LRMDA: variants seen among roughly 807,000 people sequenced by gnomAD.
LRMDA encodes the protein leucine rich melanocyte differentiation associated.
Under a neutral mutation model 29.8 loss-of-function variants are expected in LRMDA, and 18 were observed. The observed-to-expected ratio is 0.60, with a 90% CI of 0.42 to 0.90. The LOEUF is 0.90. Ranked by LOEUF, LRMDA falls within the 40% of genes least tolerant of loss-of-function variation. The pLI is 0.00. For missense variants in LRMDA, 273 were observed against 273.9 expected (o/e 1.00, Z 0.02); for synonymous variants, 125 against 109.4 (o/e 1.14, Z -0.89).
chr10:75,776,794 C>G (rs116667528), intron 2 of LRMDA, among the ~76,000 whole-genome samples: 1 of 152,210 alleles, frequency 6.6e-6, no homozygotes, highest in Non-Finnish European at 1.5e-5. Flanking sequence ...GGTTTTGGAG[C>G]AGCTATAACG....
chr10:75,607,112 C>T (rs1406429971), intron 2 of LRMDA, among the ~76,000 whole-genome samples: 1 of 152,100 alleles, frequency 6.6e-6, no homozygotes, highest in African/African-American at 2.4e-5. Flanking sequence ...ATAGAAATTC[C>T]CGGAACAGTT....
At chr10:76,493,224 G>A (rs1842850752) in intron 6 of LRMDA, among the ~76,000 whole-genome samples, 1 of 151,978 alleles carries the variant, frequency 6.6e-6, no homozygotes, top group Non-Finnish European at 1.5e-5. Context: ...AAACAAAGTT[G>A]TTTCCACTCT....
rs1245981093 is a variant in LRMDA, at chr10:75,743,638, CTCTT to C, written c.132-292367_132-292364del. On this transcript the variant is annotated intron_variant, in intron 2 of 6. Coordinates refer to ENST00000611255, the MANE Select transcript of LRMDA (RefSeq NM_001305581.2). ...GCTTCACACTTCATTTTTCTCCTCT[CTCTT>C]TCATTGTTTGACTTAATTAAAATAT... 3 of 152,178 alleles carry C rather than the reference CTCTT, an allele frequency of 2.0e-5. No individual in the cohort carries two copies. In the East Asian group the frequency reaches 5.8e-4, roughly 29 times the overall value. The allele number at this position is 152,178 out of a possible 1,614,324, so 9.4% of individuals were successfully genotyped here. A position where few individuals can be genotyped will look rare whatever the true frequency, so the allele number is the denominator to read the frequency against.
intron 6 of LRMDA, among the ~76,000 whole-genome samples, chr10:76,493,959 G>C (rs1842858116): frequency 6.6e-6 from 1 of 151,794 alleles, no homozygotes; most frequent in Non-Finnish European, 1.5e-5. Context: ...GCTATTCTTT[G>C]ATTTCTGACA....
At chr10:75,628,789 A>T (rs1841283603) in intron 2 of LRMDA, among the ~76,000 whole-genome samples, 2 of 152,118 alleles carry the variant, frequency 1.3e-5, no homozygotes, top group Admixed American at 1.3e-4. Flanking sequence ...GTGTCTCCTC[A>T]GTGGGGCTGG....
chr10:75,738,979 G>A (rs1842797699), intron 2 of LRMDA, among the ~76,000 whole-genome samples: 1 of 152,146 alleles, frequency 6.6e-6, no homozygotes, highest in African/African-American at 2.4e-5. Flanking sequence ...TGCTGAGGTA[G>A]CACCTGGCTG....
intron 5 of LRMDA, among the ~76,000 whole-genome samples, chr10:76,147,756 G>A (rs1850357098): frequency 6.6e-6 from 1 of 152,134 alleles, no homozygotes; most frequent in South Asian, 2.1e-4. Flanking sequence ...AGGAGGAGAG[G>A]CACTCTGCTT....
intron 2 of LRMDA, among the ~76,000 whole-genome samples, chr10:76,013,150 G>A (rs150033611): frequency 6.6e-5 from 10 of 152,164 alleles, no homozygotes; most frequent in Non-Finnish European, 1.2e-4. Flanking sequence ...TGCTAGGCTC[G>A]CATTTTAATC....
At chr10:76,065,029 TTAAC>T (rs1434722440) in intron 5 of LRMDA, among the ~76,000 whole-genome samples, 3 of 152,236 alleles carry the variant, frequency 2.0e-5, no homozygotes, top group Non-Finnish European at 4.4e-5. Flanking sequence ...AATTTTTTAA[TTAAC>T]TGTTTTTTTT....
intron 6 of LRMDA, among the ~76,000 whole-genome samples, chr10:76,491,072 CTTT>C (rs1842829384): frequency 6.6e-6 from 1 of 151,792 alleles, no homozygotes; most frequent in African/African-American, 2.4e-5. Flanking sequence ...AGCACATTAA[CTTT>C]TTCCTCCTGC....
chr10:76,155,609 T>TAG (rs1850522920), intron 5 of LRMDA, among the ~76,000 whole-genome samples: 1 of 152,190 alleles, frequency 6.6e-6, no homozygotes, highest in African/African-American at 2.4e-5. Flanking sequence ...GAGGTCATCT[T>TAG]AGAGGGTACC....
At chr10:76,456,233 G>A (rs1907355) in intron 6 of LRMDA, among the ~76,000 whole-genome samples, 1 of 152,016 alleles carries the variant, frequency 6.6e-6, no homozygotes, top group Non-Finnish European at 1.5e-5. Context: ...GTGTTGAGAT[G>A]GTTTTCCCAC....
intron 2 of LRMDA, among the ~76,000 whole-genome samples, chr10:75,599,928 C>T (rs1023476158): frequency 5.9e-5 from 9 of 152,144 alleles, no homozygotes; most frequent in Non-Finnish European, 1.0e-4. Flanking sequence ...GCACTGCAAG[C>T]CCTTCCTGGT....
intron 4 of LRMDA, among the ~76,000 whole-genome samples, chr10:76,049,328 A>G (rs1279273919): frequency 6.6e-6 from 1 of 152,210 alleles, no homozygotes; most frequent in African/African-American, 2.4e-5. Context: ...AATCATAACT[A>G]GTCAAAATTA....
chr10:76,314,904 T>C (rs1332283902), intron 5 of LRMDA, among the ~76,000 whole-genome samples: 15 of 152,334 alleles, frequency 9.8e-5, no homozygotes, highest in African/African-American at 3.4e-4. Context: ...TTTATTTACT[T>C]AGCACGCCAC....
intron 2 of LRMDA, among the ~76,000 whole-genome samples, chr10:75,610,661 A>T (rs910526056): frequency 1.3e-5 from 2 of 152,212 alleles, no homozygotes; most frequent in African/African-American, 4.8e-5. Context: ...TTCGGGTGGC[A>T]GAGGCAGGCC....
chr10:76,299,437 T>C (rs1183866316), intron 5 of LRMDA, among the ~76,000 whole-genome samples: 1 of 152,150 alleles, frequency 6.6e-6, no homozygotes, highest in Non-Finnish European at 1.5e-5. Context: ...ATACCTTCTT[T>C]TGCTTCTCAA....
At chr10:76,538,411 TA>T (rs201166173) in intron 6 of LRMDA, among the ~76,000 whole-genome samples, 4 of 149,284 alleles carry the variant, frequency 2.7e-5, no homozygotes, top group African/African-American at 9.7e-5. Flanking sequence ...TTATTGATTT[TA>T]TTTTTGCTTG....
chr10:76,530,412 T>G (rs1843222075), intron 6 of LRMDA, among the ~76,000 whole-genome samples: 1 of 152,170 alleles, frequency 6.6e-6, no homozygotes, highest in East Asian at 1.9e-4. Flanking sequence ...CTCAGGGATT[T>G]GACTTTTGTT....
Sources: gnomAD v4.1 joint callset for allele counts (sites outside exome capture counted in the v4.1 genomes callset) on GRCh38, gnomAD v4.1.1 for gene constraint, MANE v1.5 for transcripts, NCBI Gene and HGNC (gene_info 2026-07-23, HGNC 2026-07-21) for gene names.